IL1RAPL2: variants seen among roughly 807,000 people sequenced by gnomAD.
The protein encoded by IL1RAPL2 is interleukin 1 receptor accessory protein like 2.
In IL1RAPL2, 3 loss-of-function variants were observed where a neutral mutation model predicts 44.1. That is an observed-to-expected ratio of 0.07 (90% CI 0.03 to 0.18). IL1RAPL2 has a LOEUF of 0.18. IL1RAPL2 is among the 10% of genes least tolerant of loss of function. IL1RAPL2 has a pLI of 1.00. For synonymous variants in IL1RAPL2, 181 were observed against 178.8 expected, an observed-to-expected ratio of 1.01 and a Z score of -0.10; for missense variants, 391 against 496.4, an observed-to-expected ratio of 0.79 and a Z score of 2.02.
At chrX:105,702,949 A>G (rs192164776) in intron 6 of IL1RAPL2, among the ~76,000 whole-genome samples, 219 of 111,905 alleles carry the variant, frequency 2.0e-3, no homozygotes, top group Non-Finnish European at 3.2e-3. Context: ...GAGGAAAACC[A>G]TTTCAAGCTA....
At chrX:104,685,584 T>C (rs975189497) in intron 2 of IL1RAPL2, among the ~76,000 whole-genome samples, 1 of 110,993 alleles carries the variant, frequency 9.0e-6, no homozygotes, top group African/African-American at 3.3e-5. Context: ...CAAGAGTCAC[T>C]GTAAGAACTA....
chrX:105,471,042 T>C (rs1372965891), intron 5 of IL1RAPL2, among the ~76,000 whole-genome samples: 4 of 112,193 alleles, frequency 3.6e-5, no homozygotes, highest in Non-Finnish European at 5.6e-5. Context: ...GGGTAATTAA[T>C]TGGGTTCCAT....
intron 5 of IL1RAPL2, among the ~76,000 whole-genome samples, chrX:105,383,855 T>C (rs61041058): frequency 0.13 from 14,531 of 111,532 alleles, 2,325 homozygotes; most frequent in African/African-American, 0.45. Context: ...TATCTAATGA[T>C]TGGTGATGTG....
chrX:104,794,757 A>T (rs1932841210), intron 2 of IL1RAPL2, among the ~76,000 whole-genome samples: 1 of 111,931 alleles, frequency 8.9e-6, no homozygotes, highest in Non-Finnish European at 1.9e-5. Context: ...AATTAGGTGG[A>T]TGGAAGCGTT....
chrX:104,927,649 T>A (rs1460657810), intron 2 of IL1RAPL2, among the ~76,000 whole-genome samples: 1 of 111,930 alleles, frequency 8.9e-6, no homozygotes, highest in African/African-American at 3.2e-5. Flanking sequence ...GAATTTACCT[T>A]AAATATAAAT....
intron 4 of IL1RAPL2, among the ~76,000 whole-genome samples, chrX:105,242,129 G>A (rs1556208934): frequency 1.8e-5 from 2 of 111,596 alleles, no homozygotes; most frequent in African/African-American, 6.5e-5. Flanking sequence ...GTGTCCCTAG[G>A]CCTTATCTAG....
At chrX:105,045,256 A>G (rs753320242) in intron 2 of IL1RAPL2, among the ~76,000 whole-genome samples, 57 of 111,962 alleles carry the variant, frequency 5.1e-4, no homozygotes, top group African/African-American at 1.8e-3. Context: ...TATTGTAAAC[A>G]CTGAACTGAT....
chrX:105,116,825 A>C (rs1164112950), intron 2 of IL1RAPL2, among the ~76,000 whole-genome samples: 1 of 112,582 alleles, frequency 8.9e-6, no homozygotes, highest in East Asian at 2.8e-4. Context: ...TCAGGCTTAC[A>C]AAGTATTTCC....
At chrX:104,590,543 A>G (rs1394356950) in intron 1 of IL1RAPL2, among the ~76,000 whole-genome samples, 1 of 111,658 alleles carries the variant, frequency 9.0e-6, no homozygotes, top group Admixed American at 9.5e-5. Context: ...ATAGAATCCA[A>G]ACTGGTACCA....
At chrX:105,284,747 G>A (rs1220703167) in intron 5 of IL1RAPL2, among the ~76,000 whole-genome samples, 1 of 111,349 alleles carries the variant, frequency 9.0e-6, no homozygotes, top group African/African-American at 3.3e-5. Context: ...AACTTGCCCG[G>A]GTCACACAGC....
intron 2 of IL1RAPL2, among the ~76,000 whole-genome samples, chrX:104,874,314 C>A (rs1449465800): frequency 9.3e-6 from 1 of 108,056 alleles, no homozygotes; most frequent in South Asian, 4.2e-4. Context: ...CTCTCTCTCT[C>A]TCTGAAACTT....
intron 5 of IL1RAPL2, among the ~76,000 whole-genome samples, chrX:105,281,014 G>T (rs1051319122): frequency 3.6e-5 from 4 of 111,143 alleles, no homozygotes; most frequent in Non-Finnish European, 7.5e-5. Flanking sequence ...CAAATACTTG[G>T]AACTAACCCA....
intron 5 of IL1RAPL2, among the ~76,000 whole-genome samples, chrX:105,386,362 G>A (rs767913651): frequency 9.0e-6 from 1 of 111,503 alleles, no homozygotes; most frequent in Non-Finnish European, 1.9e-5. Context: ...TGTTTGAGTT[G>A]TACATGGCTG....
rs192805245 is a variant in IL1RAPL2 at position 104,861,981 on chromosome X, G to C, written c.82+202986G>C. On this transcript the variant is annotated intron_variant, in intron 2 of 10. Coordinates refer to ENST00000372582, the MANE Select transcript of IL1RAPL2 (RefSeq NM_017416.2). ...AAGAGAAGTTTGAGCTGGGTCTAAA[G>C]GATAAATAGGAGTTTGTTAGGCAGA... 8.9e-4 allele frequency among the ~76,000 whole-genome samples: 99 copies of C among 111,010 alleles called. 1 individual carries two copies. The highest frequency in any genetic ancestry group is 2.6e-4 in the Non-Finnish European group (14 of 52,869).
At chrX:105,443,119 G>A (rs897810649) in intron 5 of IL1RAPL2, among the ~76,000 whole-genome samples, 2 of 111,479 alleles carry the variant, frequency 1.8e-5, no homozygotes, top group Non-Finnish European at 3.8e-5. Context: ...CATACAAAGG[G>A]TAGATTATAA....
intron 6 of IL1RAPL2, among the ~76,000 whole-genome samples, chrX:105,621,269 G>C (rs2037417048): frequency 8.9e-6 from 1 of 111,792 alleles, no homozygotes; most frequent in African/African-American, 3.2e-5. Context: ...AAAGAGGCTT[G>C]TGTGTAGAAC....
chrX:104,888,190 G>T (rs769522314), intron 2 of IL1RAPL2, among the ~76,000 whole-genome samples: 9 of 108,618 alleles, frequency 8.3e-5, no homozygotes, highest in Non-Finnish European at 1.7e-4. Flanking sequence ...GTTGGCAGAG[G>T]CAAGGAAAGA....
chrX:104,725,346 G>A (rs905934886), intron 2 of IL1RAPL2, among the ~76,000 whole-genome samples: 15 of 111,693 alleles, frequency 1.3e-4, no homozygotes, highest in African/African-American at 3.9e-4. Flanking sequence ...ATAACCATAC[G>A]TGTACATGTG....
intron 2 of IL1RAPL2, among the ~76,000 whole-genome samples, chrX:104,664,955 A>G (rs1930463515): frequency 9.0e-6 from 1 of 111,421 alleles, no homozygotes; most frequent in African/African-American, 3.2e-5. Flanking sequence ...CTAAAGTACA[A>G]GATATTTTAT....
Sources: gnomAD v4.1 joint callset for allele counts (sites outside exome capture counted in the v4.1 genomes callset) on GRCh38, gnomAD v4.1.1 for gene constraint, MANE v1.5 for transcripts, NCBI Gene and HGNC (gene_info 2026-07-23, HGNC 2026-07-21) for gene names.